The following MLXIP variants were observed in gnomAD, a reference collection of about 807,000 sequenced individuals.
MLXIP encodes the protein MLX-interacting protein.
In MLXIP, 30 loss-of-function variants were observed where a neutral mutation model predicts 87.2. The observed-to-expected ratio is 0.34, with a 90% CI of 0.26 to 0.47. MLXIP has a LOEUF of 0.47. Ranked by LOEUF, MLXIP falls within the 20% of genes least tolerant of loss-of-function variation. The pLI is 1.00. For synonymous variants in MLXIP, 530 were observed against 514.0 expected (o/e 1.03, Z -0.42); for missense variants, 1,002 against 1,240.1 (o/e 0.81, Z 2.88).
At chr12:122,115,336 C>T (rs945304746) in intron 1 of MLXIP, among the ~76,000 whole-genome samples, 2 of 151,724 alleles carry the variant, frequency 1.3e-5, no homozygotes, top group Non-Finnish European at 2.9e-5. Context: ...GCCTATAATC[C>T]CAGCACTTTG....
intron 1 of MLXIP, among the ~76,000 whole-genome samples, chr12:122,123,136 T>TGCCCAGGGTTTCTGGGCATGAGTC (rs1438073490): frequency 2.0e-5 from 3 of 152,206 alleles, no homozygotes; most frequent in African/African-American, 7.2e-5. Context: ...ATCAGGAGCC[T>TGCCCAGGGTTTCTGGGCATGAGTC]GCCCAGGGTT....
At chr12:122,089,223 A>G (rs1470564744) in intron 1 of MLXIP, among the ~76,000 whole-genome samples, 2 of 152,206 alleles carry the variant, frequency 1.3e-5, no homozygotes, top group East Asian at 1.9e-4. Context: ...GAACCTCTTC[A>G]TATGGTTACA....
Position 122,141,947 on chromosome 12 carries a change from T to C in MLXIP, c.*135T>C, listed in dbSNP as rs953178971. 2.9e-6 allele frequency: 4 copies of C among 1,370,586 alleles called. No individual in the cohort carries two copies. The African/African-American group carries it at 4.3e-5, about 15-fold the overall frequency. 84.9% of individuals were successfully genotyped at this position (1,370,586 alleles called of 1,614,324 possible). A position where few individuals can be genotyped will look rare whatever the true frequency, so the allele number is the denominator to read the frequency against. On this transcript the variant is annotated 3_prime_UTR_variant, in exon 17 of 17. Transcript: ENST00000319080. ...CCAACTCTGCCGGCCCACCGTGGCA[T>C]CGGGAGGCCATGCTCAGGTCTGAAG...
chr12:122,133,865 CTT>C lies in MLXIP; in HGVS notation c.1613_1614del (p.Phe538CysfsTer14). 6.2e-7 allele frequency: 1 copy of C among 1,612,728 alleles called. No homozygotes were observed. The highest frequency in any genetic ancestry group is 8.5e-7 in the Non-Finnish European group (1 of 1,179,482). On this transcript the variant is annotated frameshift_variant, in exon 9 of 17. Coordinates refer to ENST00000319080, the MANE Select transcript of MLXIP (RefSeq NM_014938.6). LOFTEE classifies it high-confidence loss of function. This position sits in a 1 kb window ranked among gnomAD's most constrained non-coding sequence, Gnocchi z 4.9. ...ACCCGGCCTCCCCAGCCACGGTTAACTTTTGTGCACCCCAAACCTGTATCCTT... is the reference window on the plus strand; with the variant it reads ...ACCCGGCCTCCCCAGCCACGGTTAACTTGTGCACCCCAAACCTGTATCCTT...
In MLXIP at chr12:122,099,476, G is replaced by T. The variant is rs375623354; in HGVS notation, c.413+20210G>T. ...GCACTGGTGGCCCCAGCCTCACTTG[G>T]CCCTAGCCTGTTCCAGACATGAGAC... On this transcript the variant is annotated intron_variant, in intron 1 of 16. Transcript: ENST00000319080. 2.6e-3 allele frequency among the ~76,000 whole-genome samples: 395 copies of T among 152,280 alleles called. 7 individuals are homozygous for T. The South Asian group carries it at 0.032, about 12-fold the overall frequency.
At chr12:122,130,398 T>TA (rs1385172739) in intron 6 of MLXIP, among the ~76,000 whole-genome samples, 1 of 151,922 alleles carries the variant, frequency 6.6e-6, no homozygotes, top group African/African-American at 2.4e-5. Context: ...ACATTTCAGA[T>TA]ACCGTTCTCT....
chr12:122,124,601 G>A (rs1352666296), intron 1 of MLXIP, among the ~76,000 whole-genome samples: 1 of 150,762 alleles, frequency 6.6e-6, no homozygotes, highest in Non-Finnish European at 1.5e-5. Context: ...TTTTCCACCT[G>A]TGGAGAAAGA....
chr12:122,123,845 G>A (rs1027077308), intron 1 of MLXIP, among the ~76,000 whole-genome samples: 16 of 152,116 alleles, frequency 1.1e-4, no homozygotes, highest in African/African-American at 2.9e-4. Flanking sequence ...GACTACAGAC[G>A]CATGCCACCA....
intron 1 of MLXIP, among the ~76,000 whole-genome samples, chr12:122,114,274 C>T (rs137919815): frequency 6.6e-5 from 10 of 152,304 alleles, no homozygotes; most frequent in African/African-American, 2.4e-4. Flanking sequence ...GCGTGAGCCA[C>T]TGCGCCTGGC....
At chr12:122,101,567 T>TTTATTTA (rs1160894828) in intron 1 of MLXIP, among the ~76,000 whole-genome samples, 8 of 20,472 alleles carry the variant, frequency 3.9e-4, no homozygotes, top group South Asian at 1.5e-3. Flanking sequence ...TATTTATTTA[T>TTTATTTA]TTTTTTCTTT....
intron 2 of MLXIP, among the ~76,000 whole-genome samples, chr12:122,127,594 A>G (rs181097423): frequency 2.0e-5 from 3 of 152,304 alleles, no homozygotes; most frequent in South Asian, 2.1e-4. Context: ...CCCGAGTGTC[A>G]TGGATCCGGT....
chr12:122,094,414 TGTGTGGGGTGTGG>T (rs1250609382), intron 1 of MLXIP, among the ~76,000 whole-genome samples: 1 of 142,226 alleles, frequency 7.0e-6, no homozygotes, highest in Non-Finnish European at 1.5e-5. Flanking sequence ...GTGTGTGGTG[TGTGTGGGGTGTGG>T]GTGTGTGTAT....
At chr12:122,141,569 C>T (rs1280208433) in intron 16 of MLXIP, 122 bp from the exon 17 acceptor site, 2 of 1,474,306 alleles carry the variant, frequency 1.4e-6, no homozygotes, top group Non-Finnish European at 9.0e-7. Flanking sequence ...CCCTGCAGTC[C>T]AGCATGGCTG....
chr12:122,081,914 G>A (rs772595387), intron 1 of MLXIP, among the ~76,000 whole-genome samples: 2 of 152,166 alleles, frequency 1.3e-5, no homozygotes, highest in African/African-American at 2.4e-5. Context: ...CTAACTCTCC[G>A]TGGTACACTC....
rs149832530 is a variant in MLXIP at position 122,086,171 on chromosome 12, G to A, written c.413+6905G>A. ...CTCCCCCAGAGCTTCTGGGAAGAAC[G>A]CAGCCCTGCTGAATCTTGTGAGACC... On this transcript the variant is annotated intron_variant, in intron 1 of 16. Coordinates refer to ENST00000319080, the MANE Select transcript of MLXIP (RefSeq NM_014938.6). 1.2e-4 allele frequency among the ~76,000 whole-genome samples: 18 copies of A among 152,332 alleles called. No homozygotes were observed. In the East Asian group the frequency reaches 3.5e-3, roughly 29 times the overall value.
intron 1 of MLXIP, among the ~76,000 whole-genome samples, chr12:122,087,274 G>A (rs1027533458): frequency 6.6e-6 from 1 of 152,202 alleles, no homozygotes; most frequent in Non-Finnish European, 1.5e-5. Flanking sequence ...TAAGCAAGGC[G>A]GGTTAGTCCT....
In MLXIP at chr12:122,141,979, T is replaced by A; in HGVS notation, c.*167T>A. On this transcript the variant is annotated 3_prime_UTR_variant, in exon 17 of 17. Coordinates refer to ENST00000319080, the MANE Select transcript of MLXIP (RefSeq NM_014938.6). ...GCCATGCTCAGGTCTGAAGCAGGTT[T>A]GGGGCCTGCTGACAGCAATAGCCCG... 9.6e-7 allele frequency: 1 copy of A among 1,039,324 alleles called. No homozygotes were observed. Among genetic ancestry groups the A allele is most frequent in the Non-Finnish European group, 1.4e-6 (1 of 725,360 alleles). The allele number at this position is 1,039,324 out of a possible 1,614,324, so 64.4% of individuals were successfully genotyped here. A position where few individuals can be genotyped will look rare whatever the true frequency, so the allele number is the denominator to read the frequency against.
chr12:122,141,445 A>G (rs7953704), intron 16 of MLXIP, among the ~76,000 whole-genome samples: 84,504 of 152,084 alleles, frequency 0.56, 23,745 homozygotes, highest in African/African-American at 0.6. Context: ...TGGCAGCCCC[A>G]TGGCACCAGG....
chr12:122,092,193 G>A (rs1952256240), intron 1 of MLXIP, among the ~76,000 whole-genome samples: 1 of 151,782 alleles, frequency 6.6e-6, no homozygotes, highest in Admixed American at 6.6e-5. Flanking sequence ...CACATCCTGG[G>A]CTCAAACTGT....
Sources: allele counts gnomAD v4.1 joint callset (sites outside exome capture counted in the v4.1 genomes callset), GRCh38; gene constraint gnomAD v4.1.1; non-coding constraint Gnocchi (gnomAD v3.1); transcripts MANE v1.5; gene names NCBI Gene and HGNC (gene_info 2026-07-23, HGNC 2026-07-21).